Variants in FGGY observed in about 807,000 individuals in gnomAD.
FGGY encodes FGGY carbohydrate kinase domain containing, also known as FGGY carbohydrate kinase domain-containing protein.
FGGY carries 72 observed loss-of-function variants against 71.3 expected under a neutral mutation model. That is an observed-to-expected ratio of 1.01 (90% CI 0.84 to 1.23). FGGY has a LOEUF of 1.23. Ranked by LOEUF, FGGY falls within the 50% of genes most tolerant of loss-of-function variation. FGGY has a pLI of 0.00. For missense variants in FGGY, 668 were observed against 682.3 expected (o/e 0.98, Z 0.23); for synonymous variants, 251 against 250.3 (o/e 1.00, Z -0.02).
intron 9 of FGGY, among the ~76,000 whole-genome samples, chr1:59,615,256 A>C (rs1289899225): frequency 6.6e-6 from 1 of 152,228 alleles, no homozygotes; most frequent in Non-Finnish European, 1.5e-5. Context: ...ACTATACTAC[A>C]AGGCTACAGC....
chr1:59,414,874 G>A (rs2064131841), intron 5 of FGGY, among the ~76,000 whole-genome samples: 1 of 152,210 alleles, frequency 6.6e-6, no homozygotes, highest in Admixed American at 6.5e-5. Flanking sequence ...GAGCCCTCTG[G>A]TGTGCTCCAC....
intron 5 of FGGY, among the ~76,000 whole-genome samples, chr1:59,402,176 AAAG>A (rs1451341882): frequency 1.3e-5 from 2 of 152,208 alleles, no homozygotes; most frequent in African/African-American, 4.8e-5. Context: ...CATGAACATG[AAAG>A]AAGATGTGAA....
Position 59,297,647 on chromosome 1 carries a change from C to T in FGGY, c.-15+497C>T, listed in dbSNP as rs551077395. 3.9e-5 allele frequency among the ~76,000 whole-genome samples: 6 copies of T among 151,966 alleles called. No individual in the cohort carries two copies. The South Asian group carries it at 1.2e-3, about 32-fold the overall frequency. On this transcript the variant is annotated intron_variant, in intron 1 of 15. Coordinates refer to ENST00000303721, the MANE Select transcript of FGGY (RefSeq NM_018291.5). ...ACCATCCAGGCTAACACGGTGAAAC[C>T]CCCGTCTCTACTAAAAATACAAAAA...
chr1:59,420,788 A>AT (rs954805252), intron 5 of FGGY, among the ~76,000 whole-genome samples: 12 of 150,322 alleles, frequency 8.0e-5, no homozygotes, highest in Admixed American at 4.0e-4. Context: ...ATCCTTTTCA[A>AT]TTTTTTTTTT....
chr1:59,678,366 A>G (rs1444233913), intron 14 of FGGY, among the ~76,000 whole-genome samples: 1 of 152,178 alleles, frequency 6.6e-6, no homozygotes, highest in Admixed American at 6.5e-5. Flanking sequence ...AATATCTTGG[A>G]AAACAAATAA....
At chr1:59,447,677 T>C (rs1018843791) in intron 5 of FGGY, among the ~76,000 whole-genome samples, 25 of 152,222 alleles carry the variant, frequency 1.6e-4, no homozygotes, top group Admixed American at 7.2e-4. Context: ...GATGGTTTTA[T>C]AAGGGGGAAA....
At chr1:59,513,286 A>C (rs1328947861) in intron 7 of FGGY, among the ~76,000 whole-genome samples, 1 of 152,262 alleles carries the variant, frequency 6.6e-6, no homozygotes. Flanking sequence ...TGAATAGAAC[A>C]AAGTGGAAAA....
chr1:59,696,622 C>A (rs1005435789), intron 14 of FGGY, among the ~76,000 whole-genome samples: 1 of 152,184 alleles, frequency 6.6e-6, no homozygotes, highest in African/African-American at 2.4e-5. Context: ...TCCAAGAGGC[C>A]TTTCAATTGT....
intron 6 of FGGY, among the ~76,000 whole-genome samples, chr1:59,461,509 C>T (rs1165749797): frequency 6.6e-6 from 1 of 152,144 alleles, no homozygotes; most frequent in South Asian, 2.1e-4. Context: ...AGGATATTAT[C>T]CAGGAGAACT....
rs147626853 is a variant in FGGY, at chr1:59,579,120, A to G, written c.903+24893A>G. Among the ~76,000 whole-genome samples the G allele has an allele frequency of 1.1e-3, 163 of 152,210 alleles. 1 individual carries two copies. The highest frequency in any genetic ancestry group is 3.8e-3 in the African/African-American group (159 of 41,532). On this transcript the variant is annotated intron_variant, in intron 8 of 15. Coordinates refer to ENST00000303721, the MANE Select transcript of FGGY (RefSeq NM_018291.5). ...GACCAGGGTCTGTGTTCCTAAATCC[A>G]GTAGTCCTCATTCAGATCGTTCTGT...
chr1:59,446,956 C>T (rs1378166548), intron 5 of FGGY, among the ~76,000 whole-genome samples: 7 of 152,122 alleles, frequency 4.6e-5, no homozygotes, highest in Non-Finnish European at 1.0e-4. Flanking sequence ...ACTCAGCAGG[C>T]ATGTGCTTTT....
At chr1:59,382,511 G>T (rs1206216459) in intron 5 of FGGY, among the ~76,000 whole-genome samples, 1 of 152,154 alleles carries the variant, frequency 6.6e-6, no homozygotes, top group Admixed American at 6.5e-5. Context: ...ACCCTGGAAG[G>T]TGTAATTAGT....
intron 12 of FGGY, among the ~76,000 whole-genome samples, chr1:59,663,294 T>C (rs1267030888): frequency 6.6e-6 from 1 of 152,228 alleles, no homozygotes; most frequent in Non-Finnish European, 1.5e-5. Flanking sequence ...TTCTGCTCTT[T>C]CCACTTTACC....
intron 6 of FGGY, among the ~76,000 whole-genome samples, chr1:59,496,696 T>A (rs954168569): frequency 5.3e-5 from 8 of 151,636 alleles, no homozygotes; most frequent in African/African-American, 1.9e-4. Flanking sequence ...TAAAAAAAAA[T>A]AAAATAGATG....
intron 5 of FGGY, among the ~76,000 whole-genome samples, chr1:59,408,712 T>C (rs2063140284): frequency 6.6e-6 from 1 of 152,182 alleles, no homozygotes; most frequent in Non-Finnish European, 1.5e-5. Context: ...ACTCCAGACA[T>C]GACCCTTGGA....
At chr1:59,444,097 G>C (rs1324368015) in intron 5 of FGGY, among the ~76,000 whole-genome samples, 1 of 152,110 alleles carries the variant, frequency 6.6e-6, no homozygotes, top group African/African-American at 2.4e-5. Context: ...CCAAGGGCTG[G>C]GGGTCTGAAG....
chr1:59,444,112 T>C (rs1198200927), intron 5 of FGGY, among the ~76,000 whole-genome samples: 1 of 152,152 alleles, frequency 6.6e-6, no homozygotes, highest in African/African-American at 2.4e-5. Context: ...CTGAAGATGT[T>C]ACCATCACAA....
intron 14 of FGGY, among the ~76,000 whole-genome samples, chr1:59,746,830 A>G (rs2098202329): frequency 6.6e-6 from 1 of 152,206 alleles, no homozygotes; most frequent in African/African-American, 2.4e-5. Context: ...ATTGAGACTC[A>G]GGATGTTCAT....
chr1:59,576,685 C>G (rs1037404895), intron 8 of FGGY, among the ~76,000 whole-genome samples: 6 of 146,734 alleles, frequency 4.1e-5, no homozygotes, highest in Non-Finnish European at 8.9e-5. Context: ...CAGACACACA[C>G]ACACACACAC....
Sources: allele counts gnomAD v4.1 joint callset (sites outside exome capture counted in the v4.1 genomes callset), GRCh38; gene constraint gnomAD v4.1.1; transcripts MANE v1.5; gene names NCBI Gene and HGNC (gene_info 2026-07-23, HGNC 2026-07-21).